The following RIT2 variants were observed in gnomAD, a reference collection of about 807,000 sequenced individuals.
RIT2 encodes Ras like without CAAX 2, also known as GTP-binding protein Rit2.
Under a neutral mutation model 23.7 loss-of-function variants are expected in RIT2, and 24 were observed. That is an observed-to-expected ratio of 1.01 (90% CI 0.73 to 1.43). The LOEUF (loss-of-function observed/expected upper bound fraction) is 1.43, where lower values mean the gene tolerates loss of function less well. Ranked by LOEUF, RIT2 falls within the 40% of genes most tolerant of loss-of-function variation. The pLI, the probability that RIT2 is intolerant of heterozygous loss-of-function variation, is 0.00. For missense variants in RIT2, 236 were observed against 266.9 expected (o/e 0.88, Z 0.81); for synonymous variants, 107 against 91.1 (o/e 1.17, Z -0.99).
intron 2 of RIT2, among the ~76,000 whole-genome samples, chr18:43,003,480 T>C (rs1911154241): frequency 6.6e-6 from 1 of 152,040 alleles, no homozygotes; most frequent in East Asian, 2.0e-4. Context: ...GCCTCTTATA[T>C]GAAGAATTGG....
intron 4 of RIT2, among the ~76,000 whole-genome samples, chr18:42,896,588 C>T (rs1908336945): frequency 6.6e-6 from 1 of 152,132 alleles, no homozygotes; most frequent in Non-Finnish European, 1.5e-5. Flanking sequence ...TTGGATGCTC[C>T]TTTGAAAAAT....
chr18:43,021,141 T>C (rs1381092388), intron 2 of RIT2, among the ~76,000 whole-genome samples: 1 of 151,968 alleles, frequency 6.6e-6, no homozygotes, highest in Non-Finnish European at 1.5e-5. Context: ...CCAGAATATA[T>C]AATGAACTCA....
intron 4 of RIT2, among the ~76,000 whole-genome samples, chr18:42,826,956 G>T (rs1906312941): frequency 6.6e-6 from 1 of 152,136 alleles, no homozygotes; most frequent in East Asian, 1.9e-4. Flanking sequence ...AAACATAAAA[G>T]AAAATAAATC....
chr18:42,800,345 A>C (rs1225033758), intron 4 of RIT2, among the ~76,000 whole-genome samples: 1 of 152,108 alleles, frequency 6.6e-6, no homozygotes. Flanking sequence ...ATCCGGTTTC[A>C]ACCTTTAGCT....
chr18:42,759,740 C>T (rs922256305), intron 4 of RIT2, among the ~76,000 whole-genome samples: 28 of 137,178 alleles, frequency 2.0e-4, no homozygotes, highest in Admixed American at 4.5e-4. Context: ...CACACACACA[C>T]ACACACACAC....
intron 4 of RIT2, among the ~76,000 whole-genome samples, chr18:42,801,922 G>A (rs1905550165): frequency 6.6e-6 from 1 of 152,176 alleles, no homozygotes; most frequent in African/African-American, 2.4e-5. Flanking sequence ...ACGGAAAACT[G>A]GGCTTCTGCT....
chr18:43,015,544 C>T (rs1234986264), intron 2 of RIT2, among the ~76,000 whole-genome samples: 1 of 151,678 alleles, frequency 6.6e-6, no homozygotes, highest in Non-Finnish European at 1.5e-5. Context: ...GAGTCAGAGA[C>T]ATACATGTAG....
chr18:42,989,962 A>G (rs1910801299), intron 2 of RIT2, among the ~76,000 whole-genome samples: 2 of 152,034 alleles, frequency 1.3e-5, no homozygotes, highest in South Asian at 4.1e-4. Flanking sequence ...ACACACATAT[A>G]TTATGTATTT....
intron 4 of RIT2, among the ~76,000 whole-genome samples, chr18:42,918,161 T>G (rs764453971): frequency 6.6e-6 from 1 of 152,182 alleles, no homozygotes; most frequent in Non-Finnish European, 1.5e-5. Context: ...CAAGTTCATT[T>G]GTGTATTCCC....
chr18:42,757,683 A>T (rs1024158962), intron 4 of RIT2, among the ~76,000 whole-genome samples: 1 of 152,188 alleles, frequency 6.6e-6, no homozygotes, highest in African/African-American at 2.4e-5. Flanking sequence ...ATCTTAGCAG[A>T]GTCATCACTG....
chr18:42,919,194 A>G (rs1230291045), intron 4 of RIT2, among the ~76,000 whole-genome samples: 1 of 152,146 alleles, frequency 6.6e-6, no homozygotes, highest in East Asian at 1.9e-4. Context: ...TAATCCAGTA[A>G]TTCCTAATTC....
intron 1 of RIT2, among the ~76,000 whole-genome samples, chr18:43,090,036 A>C (rs186128366): frequency 6.6e-6 from 1 of 152,316 alleles, no homozygotes; most frequent in African/African-American, 2.4e-5. Context: ...AAAATTGACA[A>C]GTGGAATCTA....
intron 1 of RIT2, among the ~76,000 whole-genome samples, chr18:43,106,450 C>T (rs1913824484): frequency 6.6e-6 from 1 of 152,168 alleles, no homozygotes; most frequent in Non-Finnish European, 1.5e-5. Context: ...TCCACCACCA[C>T]CACAACTTCT....
chr18:43,011,417 G>A (rs538848143), intron 2 of RIT2, among the ~76,000 whole-genome samples: 2 of 151,916 alleles, frequency 1.3e-5, no homozygotes, highest in East Asian at 3.9e-4. Flanking sequence ...AGTGAGACAA[G>A]ACAAAGAAGT....
chr18:42,819,509 A>G (rs1266455854), intron 4 of RIT2, among the ~76,000 whole-genome samples: 1 of 151,968 alleles, frequency 6.6e-6, no homozygotes, highest in Non-Finnish European at 1.5e-5. Flanking sequence ...TTGGTGATGT[A>G]TTCTCCAGCA....
At chr18:42,957,116 C>T (rs556613093) in intron 3 of RIT2, among the ~76,000 whole-genome samples, 63 of 152,224 alleles carry the variant, frequency 4.1e-4, no homozygotes, top group African/African-American at 1.5e-3. Context: ...ATACATTAGG[C>T]ATTACATATT....
chr18:42,749,761 A>G (rs571526103), intron 4 of RIT2, among the ~76,000 whole-genome samples: 1 of 152,002 alleles, frequency 6.6e-6, no homozygotes, highest in South Asian at 2.1e-4. Context: ...CTTACACACA[A>G]AAATAGAAAT....
intron 4 of RIT2, among the ~76,000 whole-genome samples, chr18:42,915,511 C>T (rs1474890922): frequency 1.3e-5 from 2 of 151,984 alleles, no homozygotes; most frequent in Non-Finnish European, 1.5e-5. Flanking sequence ...GCTTATTTCC[C>T]GAAGCCTTTT....
At chr18:42,868,993 T>C (rs990138870) in intron 4 of RIT2, among the ~76,000 whole-genome samples, 2 of 152,240 alleles carry the variant, frequency 1.3e-5, no homozygotes, top group Non-Finnish European at 2.9e-5. Flanking sequence ...GGCTGGAAGC[T>C]CCAGTTGGTG....
Sources: allele counts gnomAD v4.1 joint callset (sites outside exome capture counted in the v4.1 genomes callset), GRCh38; gene constraint gnomAD v4.1.1; transcripts MANE v1.5; gene names NCBI Gene and HGNC (gene_info 2026-07-23, HGNC 2026-07-21).